Variants in FRAS1 observed in about 807,000 individuals in gnomAD.
FRAS1 encodes Fraser extracellular matrix complex subunit 1, also known as extracellular matrix organizing protein FRAS1.
A neutral mutation model predicts 435.2 loss-of-function variants in FRAS1; 290 were observed. The observed-to-expected ratio is 0.67, with a 90% CI of 0.61 to 0.73. The LOEUF (loss-of-function observed/expected upper bound fraction) is 0.73, where lower values mean the gene tolerates loss of function less well. Among genes scored for constraint, FRAS1 ranks in the 30% least tolerant of loss-of-function variants. FRAS1 has a pLI of 0.00. For missense variants in FRAS1, 4,860 were observed against 5,001.5 expected (o/e 0.97, Z 0.85); for synonymous variants, 1,800 against 1,851.0 (o/e 0.97, Z 0.71).
At chr4:78,292,362 C>A (rs1211917736) in intron 14 of FRAS1, among the ~76,000 whole-genome samples, 1 of 151,964 alleles carries the variant, frequency 6.6e-6, no homozygotes, top group Non-Finnish European at 1.5e-5. Context: ...TGTTTCTTAG[C>A]CAATATTGTG....
intron 5 of FRAS1, among the ~76,000 whole-genome samples, chr4:78,255,019 G>C (rs1425596017): frequency 6.6e-6 from 1 of 152,166 alleles, no homozygotes; most frequent in African/African-American, 2.4e-5. Context: ...CAGGAAGCCA[G>C]CAGCAGGTGG....
At chr4:78,266,225 C>A (rs1472629721) in intron 7 of FRAS1, among the ~76,000 whole-genome samples, 1 of 152,204 alleles carries the variant, frequency 6.6e-6, no homozygotes, top group East Asian at 1.9e-4. Flanking sequence ...ACCTGCCACC[C>A]TTAACATGTT....
chr4:78,249,323 CTTTTTTT>C (rs11308579), intron 4 of FRAS1, among the ~76,000 whole-genome samples: 3 of 47,182 alleles, frequency 6.4e-5, no homozygotes, highest in Non-Finnish European at 1.2e-4. Context: ...GCAGTGGAGC[CTTTTTTT>C]TTTTTTTTTT....
chr4:78,255,488 CT>C, intron 6 of FRAS1, 113 bp downstream of exon 6: 3 of 1,148,542 alleles, frequency 2.6e-6, no homozygotes, highest in Non-Finnish European at 3.6e-6. Flanking sequence ...AAGCAAAGCC[CT>C]TTTTGTTTTC....
At chr4:78,082,779 T>G (rs1740954265) in intron 2 of FRAS1, among the ~76,000 whole-genome samples, 1 of 108,312 alleles carries the variant, frequency 9.2e-6, no homozygotes, top group South Asian at 4.1e-4. Flanking sequence ...AAAATTATTT[T>G]TAATGATCAG....
At chr4:78,387,842 T>C in intron 29 of FRAS1, 141 bp downstream of exon 29, 1 of 546,116 alleles carries the variant, frequency 1.8e-6, no homozygotes, top group Non-Finnish European at 3.0e-6. Context: ...TAGAGGGCAC[T>C]ATATATCTAG....
At chr4:78,389,649 C>A (rs1461699211) in intron 29 of FRAS1, among the ~76,000 whole-genome samples, 1 of 152,058 alleles carries the variant, frequency 6.6e-6, no homozygotes, top group East Asian at 1.9e-4. Context: ...GTTTTTGTTT[C>A]TTCGTTCTTG....
chr4:78,301,846 G>GTTTTTTTTTTTT (rs59794614), intron 14 of FRAS1, among the ~76,000 whole-genome samples: 2 of 103,934 alleles, frequency 1.9e-5, no homozygotes, highest in Non-Finnish European at 1.9e-5. Flanking sequence ...CACAGAAACA[G>GTTTTTTTTTTTT]TTTTTTTTTT....
chr4:78,095,127 C>T (rs182972295), intron 2 of FRAS1, among the ~76,000 whole-genome samples: 1 of 152,220 alleles, frequency 6.6e-6, no homozygotes, highest in East Asian at 1.9e-4. Flanking sequence ...TAAAACTTGT[C>T]CGGTTGACTG....
chr4:78,221,780 A>C (rs1301389137), intron 2 of FRAS1, among the ~76,000 whole-genome samples: 14 of 152,182 alleles, frequency 9.2e-5, no homozygotes, highest in Non-Finnish European at 1.5e-5. Flanking sequence ...TCTTTCCTAC[A>C]TTTGACATGA....
At chr4:78,159,968 A>G (rs1721071445) in intron 2 of FRAS1, among the ~76,000 whole-genome samples, 2 of 152,194 alleles carry the variant, frequency 1.3e-5, no homozygotes, top group Non-Finnish European at 2.9e-5. Context: ...AAACATTTAG[A>G]GTGTTTTCCC....
rs1721909824 is a variant in FRAS1, at chr4:78,537,130, T to A, written c.11228T>A (p.Ile3743Asn). 9 of 1,613,964 alleles carry A rather than the reference T, an allele frequency of 5.6e-6. 1 individual carries two copies. In the Middle Eastern group the frequency reaches 1.3e-3, roughly 237 times the overall value. ...CCTTTCTTTGATCCCACGGGGACAA[T>A]CTACAATGAAGGGCCCCAGTATGGA... ...YVPFFDPTGT[I>N]YNEGPQYGCI... Residue 3743 changes from isoleucine to asparagine, a missense_variant, in exon 72 of 74, where the codon ATC (isoleucine) becomes AAC (asparagine). Physicochemically the swap from Ile to Asn is moderately radical, Grantham distance 149 (BLOSUM62 -3). Transcript: ENST00000512123.
chr4:78,182,921 GA>G (rs1722093463), intron 2 of FRAS1, among the ~76,000 whole-genome samples: 1 of 149,926 alleles, frequency 6.7e-6, no homozygotes, highest in African/African-American at 2.5e-5. Flanking sequence ...CCAGAGGACA[GA>G]GAACTGTGTG....
rs758989626 is a variant in FRAS1 at position 78,246,193 on chromosome 4, C to T, written c.309+868C>T. Among the ~76,000 whole-genome samples the T allele has an allele frequency of 7.4e-4, 112 of 152,268 alleles. 2 individuals are homozygous for T. Among genetic ancestry groups the T allele is most frequent in the Non-Finnish European group, 4.0e-4 (27 of 68,020 alleles). The stretch of plus-strand genomic sequence containing the variant: ...TAAATGTTACCTGAGGTAGTAGGTA[C>T]GGTTGAATATGATGGAAAGAGACTT... On this transcript the variant is annotated intron_variant, in intron 4 of 73. Coordinates refer to ENST00000512123, the MANE Select transcript of FRAS1 (RefSeq NM_025074.7).
chr4:78,210,883 CT>C (rs1199549185), intron 2 of FRAS1, among the ~76,000 whole-genome samples: 2 of 152,276 alleles, frequency 1.3e-5, no homozygotes, highest in East Asian at 3.9e-4. Context: ...CAGTAAGCTA[CT>C]TTCTTCCTGG....
intron 32 of FRAS1, among the ~76,000 whole-genome samples, chr4:78,416,622 G>A (rs2110364835): frequency 6.6e-6 from 1 of 152,246 alleles, no homozygotes; most frequent in East Asian, 1.9e-4. Flanking sequence ...TGCTGGTGAA[G>A]GGTGTGCTGG....
At position 78,451,801 on chromosome 4, in the gene FRAS1, G is replaced by A. The variant is rs762176301; in HGVS notation, c.6493G>A (p.Glu2165Lys). ...GHVEYSHGTGEPGGSFAFKFD... is the reference protein window; with the variant it reads ...GHVEYSHGTGKPGGSFAFKFD... ...CGTAGAATATAGTCATGGAACAGGA[G>A]AACCTGGAGGGAGCTTTGCTTTTAA... is the stretch of plus-strand genomic sequence containing the variant. Residue 2165 changes from glutamate to lysine, a missense_variant, in exon 46 of 74, where the codon GAA becomes AAA. By Grantham distance (56) the Glu-to-Lys change is moderately conservative. Transcript: ENST00000512123. 21 of 1,611,944 alleles carry A rather than the reference G, an allele frequency of 1.3e-5. No individual in the cohort carries two copies. In the South Asian group the frequency reaches 2.1e-4, roughly 16 times the overall value.
At chr4:78,300,310 T>C (rs1728324205) in intron 14 of FRAS1, among the ~76,000 whole-genome samples, 1 of 152,226 alleles carries the variant, frequency 6.6e-6, no homozygotes, top group Admixed American at 6.5e-5. Context: ...GACAGTATTC[T>C]CATGTTCTAC....
chr4:78,533,251 A>G (rs909668527), intron 70 of FRAS1, among the ~76,000 whole-genome samples: 1 of 152,148 alleles, frequency 6.6e-6, no homozygotes, highest in Non-Finnish European at 1.5e-5. Flanking sequence ...CCCTGAGATC[A>G]TGTTTTTCTG....
Sources: gnomAD v4.1 joint callset for allele counts (sites outside exome capture counted in the v4.1 genomes callset) on GRCh38, gnomAD v4.1.1 for gene constraint, MANE v1.5 for transcripts, NCBI Gene and HGNC (gene_info 2026-07-23, HGNC 2026-07-21) for gene names.